The following DACH2 variants were observed in gnomAD, a reference collection of about 807,000 sequenced individuals.
DACH2 encodes the protein dachshund family transcription factor 2.
Under a neutral mutation model 35.8 loss-of-function variants are expected in DACH2, and 17 were observed. The ratio of observed to expected loss-of-function variants is 0.48; its 90% confidence interval spans 0.33 to 0.71. DACH2 has a LOEUF of 0.71. DACH2 is among the 30% of genes least tolerant of loss of function. DACH2 has a pLI of 0.02. For synonymous variants in DACH2, 195 were observed against 177.3 expected (o/e 1.10, Z -0.79); for missense variants, 469 against 472.7 (o/e 0.99, Z 0.07).
At position 86,813,437 on chromosome X, in the gene DACH2, C is replaced by A. The variant is rs758422743; in HGVS notation, c.1537+160C>A. Among the ~76,000 whole-genome samples, 449 of 89,778 alleles carry A rather than the reference C, an allele frequency of 5.0e-3. 5 individuals carry two copies. Among genetic ancestry groups the A allele is most frequent in the African/African-American group, 0.019 (431 of 22,783 alleles). 78.0% of individuals were successfully genotyped at this position (89,778 alleles called of 115,157 possible). A position where few individuals can be genotyped will look rare whatever the true frequency, so the allele number is the denominator to read the frequency against. ...CTAACACGGAGAAACCCCATCTCTA[C>A]TAAAAATACAAAAAAAAAAAAAAAA... On this transcript the variant is annotated intron_variant, in intron 9 of 11. Coordinates refer to ENST00000373125, the MANE Select transcript of DACH2 (RefSeq NM_053281.3).
intron 2 of DACH2, among the ~76,000 whole-genome samples, chrX:86,410,003 G>A (rs987640938): frequency 4.5e-5 from 5 of 111,862 alleles, no homozygotes; most frequent in Non-Finnish European, 9.4e-5. Flanking sequence ...AATGCTGATG[G>A]GATGTGTTGG....
chrX:86,457,461 T>C (rs2037495999), intron 2 of DACH2, among the ~76,000 whole-genome samples: 1 of 112,167 alleles, frequency 8.9e-6, no homozygotes, highest in Non-Finnish European at 1.9e-5. Flanking sequence ...TATACTATTG[T>C]GTCAATTTAA....
At chrX:86,459,399 C>T (rs1474741093) in intron 2 of DACH2, among the ~76,000 whole-genome samples, 1 of 111,289 alleles carries the variant, frequency 9.0e-6, no homozygotes, top group African/African-American at 3.3e-5. Context: ...AGACAGAATC[C>T]TTTCAGTTAT....
At chrX:86,817,579 G>A (rs1451126421) in intron 11 of DACH2, among the ~76,000 whole-genome samples, 1 of 111,517 alleles carries the variant, frequency 9.0e-6, no homozygotes, top group Non-Finnish European at 1.9e-5. Flanking sequence ...TACACCACTA[G>A]TGAGTTTTAT....
chrX:86,726,149 G>A (rs5923617), intron 6 of DACH2, among the ~76,000 whole-genome samples: 10,638 of 111,227 alleles, frequency 0.096, 462 homozygotes, highest in East Asian at 0.15. Context: ...CCCTCATAGC[G>A]GGAGCACCAT....
chrX:86,236,545 A>T (rs1272721696), intron 1 of DACH2, among the ~76,000 whole-genome samples: 6 of 112,210 alleles, frequency 5.3e-5, no homozygotes, highest in Non-Finnish European at 9.4e-5. Flanking sequence ...ATAGCCTATG[A>T]CACACCTAGG....
intron 7 of DACH2, among the ~76,000 whole-genome samples, chrX:86,769,221 C>T (rs2041963776): frequency 9.0e-6 from 1 of 111,514 alleles, no homozygotes; most frequent in Admixed American, 9.5e-5. Context: ...TCTAGGAATA[C>T]GTTAACCAAC....
At chrX:86,786,581 T>A (rs2042139934) in intron 7 of DACH2, among the ~76,000 whole-genome samples, 1 of 112,209 alleles carries the variant, frequency 8.9e-6, no homozygotes, top group South Asian at 3.7e-4. Context: ...TGGTAGCAAC[T>A]CAAACATTCA....
chrX:86,549,767 A>C (rs1392013733), intron 3 of DACH2, among the ~76,000 whole-genome samples: 2 of 111,427 alleles, frequency 1.8e-5, no homozygotes, highest in Non-Finnish European at 3.8e-5. Context: ...TATTTAGATG[A>C]TAAAATGTAT....
intron 1 of DACH2, among the ~76,000 whole-genome samples, chrX:86,357,403 A>T (rs1034639550): frequency 8.9e-6 from 1 of 112,472 alleles, no homozygotes; most frequent in Non-Finnish European, 1.9e-5. Flanking sequence ...TTTCTGCATT[A>T]TAGAGCTTTA....
At chrX:86,454,906 G>A (rs929985914) in intron 2 of DACH2, among the ~76,000 whole-genome samples, 1 of 111,402 alleles carries the variant, frequency 9.0e-6, no homozygotes, top group Non-Finnish European at 1.9e-5. Context: ...TCATCTTTGT[G>A]GGCTTATCTA....
intron 2 of DACH2, among the ~76,000 whole-genome samples, chrX:86,437,084 C>T (rs1395382959): frequency 1.8e-5 from 2 of 111,164 alleles, no homozygotes; most frequent in Non-Finnish European, 3.8e-5. Context: ...TTACTCTATT[C>T]CAGAAACAGC....
intron 1 of DACH2, among the ~76,000 whole-genome samples, chrX:86,290,715 C>G (rs1201600380): frequency 1.0e-5 from 1 of 99,288 alleles, no homozygotes; most frequent in Non-Finnish European, 2.0e-5. Context: ...TCAGGTTTGT[C>G]AAAGATCAGA....
At chrX:86,349,258 C>A (rs186769475) in intron 1 of DACH2, among the ~76,000 whole-genome samples, 93 of 111,662 alleles carry the variant, frequency 8.3e-4, no homozygotes, top group Admixed American at 3.2e-3. Flanking sequence ...AGGCTCTCAC[C>A]GACCACCTGG....
At chrX:86,394,775 C>T (rs776894535) in intron 2 of DACH2, among the ~76,000 whole-genome samples, 32 of 111,340 alleles carry the variant, frequency 2.9e-4, no homozygotes, top group Admixed American at 1.9e-3. Context: ...AACATCATGT[C>T]GGTAAAGTGT....
intron 7 of DACH2, among the ~76,000 whole-genome samples, chrX:86,807,187 T>C (rs1220307074): frequency 2.7e-5 from 3 of 111,683 alleles, no homozygotes; most frequent in Admixed American, 9.5e-5. Flanking sequence ...TTCCAAACAT[T>C]GTGTTTCATG....
At chrX:86,535,088 A>T (rs954769914) in intron 3 of DACH2, among the ~76,000 whole-genome samples, 8 of 111,916 alleles carry the variant, frequency 7.1e-5, no homozygotes, top group African/African-American at 2.3e-4. Context: ...ATTAAAAGTT[A>T]TGAATAGCTC....
At position 86,232,024 on chromosome X, in the gene DACH2, G is replaced by T. The variant is rs185172827; in HGVS notation, c.488+82916G>T. Among the ~76,000 whole-genome samples, 224 of 111,516 alleles carry T rather than the reference G, an allele frequency of 2.0e-3. 1 individual carries two copies. Among genetic ancestry groups the T allele is most frequent in the Non-Finnish European group, 3.1e-3 (164 of 53,113 alleles). On this transcript the variant is annotated intron_variant, in intron 1 of 11. Transcript: ENST00000373125. ...AACAGACTTTCAGCTTCTCCAGTGGGGGTGTGTGTTTGGGAAAGGAGCAAA... is the reference window on the plus strand; with the variant it reads ...AACAGACTTTCAGCTTCTCCAGTGGTGGTGTGTGTTTGGGAAAGGAGCAAA...
intron 4 of DACH2, among the ~76,000 whole-genome samples, chrX:86,669,168 CA>C (rs1416090551): frequency 9.1e-6 from 1 of 109,600 alleles, no homozygotes; most frequent in African/African-American, 3.3e-5. Flanking sequence ...CTGCAGGGGC[CA>C]AAAAAGTAGC....
Sources: allele counts gnomAD v4.1 joint callset (sites outside exome capture counted in the v4.1 genomes callset), GRCh38; gene constraint gnomAD v4.1.1; transcripts MANE v1.5; gene names NCBI Gene and HGNC (gene_info 2026-07-23, HGNC 2026-07-21).